The following GCA variants were observed in gnomAD, a reference collection of about 807,000 sequenced individuals.
The protein encoded by GCA is grancalcin, also known as grancalcin, EF-hand calcium-binding protein.
In GCA, 30 loss-of-function variants were observed where a neutral mutation model predicts 32.6. The observed-to-expected ratio is 0.92, with a 90% confidence interval of 0.69 to 1.25. The LOEUF (loss-of-function observed/expected upper bound fraction) is 1.25, where lower values mean the gene tolerates loss of function less well. Among genes scored for constraint, GCA ranks in the 50% most tolerant of loss-of-function variants. GCA has a pLI of 0.00. For missense variants in GCA, 291 were observed against 266.8 expected, an observed-to-expected ratio of 1.09 and a Z score of -0.63; for synonymous variants, 102 against 84.6, an observed-to-expected ratio of 1.21 and a Z score of -1.13.
intron 5 of GCA, among the ~76,000 whole-genome samples, chr2:162,358,693 A>C (rs1005539194): frequency 1.3e-5 from 2 of 151,438 alleles, no homozygotes; most frequent in Non-Finnish European, 3.0e-5. Context: ...TTGCATTTAT[A>C]TTCTTTAAGA....
At chr2:162,344,950 T>C (rs1477091964) in intron 1 of GCA, among the ~76,000 whole-genome samples, 3 of 152,198 alleles carry the variant, frequency 2.0e-5, no homozygotes, top group African/African-American at 7.2e-5. Flanking sequence ...GTTTGATCCA[T>C]TGCGGTGTGG....
Position 162,361,897 on chromosome 2 carries a change from C to T in GCA, c.*1654C>T, listed in dbSNP as rs929142111. 5.1e-6 allele frequency: 5 copies of T among 984,388 alleles called. No individual in the cohort carries two copies. The African/African-American group carries it at 8.8e-5, about 17-fold the overall frequency. 61.0% of individuals were successfully genotyped at this position (984,388 alleles called of 1,614,324 possible). ...CTCAGCAACCTGTAATCTTAACATC[C>T]AGGTTATACAGATGGTCGTTACTGA... On this transcript the variant is annotated 3_prime_UTR_variant, in exon 8 of 8. Coordinates refer to ENST00000437150, the MANE Select transcript of GCA (RefSeq NM_012198.5).
chr2:162,327,245 G>C (rs1249041585), intron 1 of GCA, among the ~76,000 whole-genome samples: 1 of 152,168 alleles, frequency 6.6e-6, no homozygotes, highest in East Asian at 1.9e-4. Flanking sequence ...AGGTATGTTA[G>C]TGGCTATTTG....
intron 1 of GCA, among the ~76,000 whole-genome samples, chr2:162,333,320 T>C (rs1684160968): frequency 6.6e-6 from 1 of 152,260 alleles, no homozygotes; most frequent in East Asian, 1.9e-4. Flanking sequence ...TTATACCATA[T>C]TTTATAATGT....
chr2:162,362,137 A>C lies in GCA; in HGVS notation c.*1894A>C. 2 of 984,702 alleles carry C rather than the reference A, an allele frequency of 2.0e-6. No individual in the cohort carries two copies. Among genetic ancestry groups the C allele is most frequent in the Non-Finnish European group, 2.4e-6 (2 of 829,492 alleles). 61.0% of individuals were successfully genotyped at this position (984,702 alleles called of 1,614,324 possible). A position where few individuals can be genotyped will look rare whatever the true frequency, so the allele number is the denominator to read the frequency against. On this transcript the variant is annotated 3_prime_UTR_variant, in exon 8 of 8. Coordinates refer to ENST00000437150, the MANE Select transcript of GCA (RefSeq NM_012198.5). Reference sequence around the variant, plus strand: ...GCTTCCATGGCCAAACATATTTAGAAACTCTCACTTTCTAAAGCTTGACAA... The same window carrying C: ...GCTTCCATGGCCAAACATATTTAGACACTCTCACTTTCTAAAGCTTGACAA...
chr2:162,336,597 A>G (rs748928569), intron 1 of GCA, among the ~76,000 whole-genome samples: 7 of 152,122 alleles, frequency 4.6e-5, no homozygotes, highest in Non-Finnish European at 1.0e-4. Flanking sequence ...GGGTGGCTCA[A>G]GTCCTTACTA....
At chr2:162,373,733 T>A, downstream of GCA, 1 of 1,069,764 alleles carries the variant, frequency 9.3e-7, no homozygotes, top group African/African-American at 1.6e-5. Flanking sequence ...TTAAAAAAAT[T>A]TCAGCACTAC....
At chr2:162,327,058 A>T (rs1412198256) in intron 1 of GCA, among the ~76,000 whole-genome samples, 3 of 152,116 alleles carry the variant, frequency 2.0e-5, no homozygotes, top group East Asian at 1.9e-4. Context: ...GGGCCTGTTT[A>T]TTCCAGGAAC....
Position 162,360,414 on chromosome 2 carries a change from C to CT in GCA, c.*177dup, listed in dbSNP as rs879451901. On this transcript the variant is annotated 3_prime_UTR_variant, in exon 8 of 8. Transcript: ENST00000437150. ...GATAGTTCAAAGCAATAAAAGATTT[C>CT]TTTTTTAATTTGAGGTATTACTGCT... is the stretch of plus-strand genomic sequence containing the variant. 21 of 1,253,082 alleles carry CT rather than the reference C, an allele frequency of 1.7e-5. No homozygotes were observed. The Admixed American group carries it at 7.0e-4, about 42-fold the overall frequency. 77.6% of individuals were successfully genotyped at this position (1,253,082 alleles called of 1,614,324 possible).
At chr2:162,324,433 C>T (rs900010922) in intron 1 of GCA, among the ~76,000 whole-genome samples, 2 of 152,200 alleles carry the variant, frequency 1.3e-5, no homozygotes, top group African/African-American at 4.8e-5. Flanking sequence ...AACTCTGCGA[C>T]GTTCTACTTC....
intron 1 of GCA, among the ~76,000 whole-genome samples, chr2:162,320,542 A>G (rs1683625564): frequency 6.6e-6 from 1 of 152,216 alleles, no homozygotes; most frequent in Admixed American, 6.5e-5. Flanking sequence ...GAACCAGTTA[A>G]TGTTATTTTC....
chr2:162,331,599 A>G lies in GCA; in HGVS notation c.-31+12374A>G, dbSNP rs556397231. On this transcript the variant is annotated intron_variant, in intron 1 of 4. Transcript: ENST00000429691. The stretch of plus-strand genomic sequence containing the variant: ...CTTCTGACCCACTATGTCAAGAAAT[A>G]GCATTCATGGTGCCATCTTGGAAGC... Among the ~76,000 whole-genome samples the G allele has an allele frequency of 2.6e-5, 4 of 152,348 alleles. No homozygotes were observed. In the South Asian group the frequency reaches 8.3e-4, roughly 32 times the overall value.
At chr2:162,351,479 G>A (rs1684996743) in intron 2 of GCA, among the ~76,000 whole-genome samples, 2 of 152,312 alleles carry the variant, frequency 1.3e-5, no homozygotes, top group South Asian at 4.1e-4. Context: ...ATGCTGCTTA[G>A]TATTTTGTAA....
intron 1 of GCA, among the ~76,000 whole-genome samples, chr2:162,326,036 G>A (rs921809672): frequency 2.0e-5 from 3 of 152,100 alleles, no homozygotes; most frequent in African/African-American, 4.8e-5. Context: ...AGGTCGGGGT[G>A]GACCCAGAGG....
intron 1 of GCA, among the ~76,000 whole-genome samples, chr2:162,324,044 C>A (rs967315569): frequency 6.6e-6 from 1 of 152,088 alleles, no homozygotes; most frequent in Non-Finnish European, 1.5e-5. Context: ...ACTGCTCAAA[C>A]CTCTAGGGGA....
intron 1 of GCA, 39 bp downstream of exon 1, chr2:162,344,314 G>T: frequency 6.2e-7 from 1 of 1,605,338 alleles, no homozygotes; most frequent in East Asian, 2.2e-5. Flanking sequence ...TCTTCCTCGC[G>T]GGGTGTGGCG....
rs1576304069 is a variant in GCA at position 162,361,739 on chromosome 2, A to G, written c.*1496A>G. 1 of 982,182 alleles carries G rather than the reference A, an allele frequency of 1.0e-6. No homozygotes were observed. Among genetic ancestry groups the G allele is most frequent in the Middle Eastern group, 5.2e-4 (1 of 1,906 alleles). The allele number at this position is 982,182 out of a possible 1,614,324, so 60.8% of individuals were successfully genotyped here. ...TTTGTTCTCTGGCTTTTTTATGAACATATATTTGATAATGTGAGAGGACAT... is the reference window on the plus strand; with the variant it reads ...TTTGTTCTCTGGCTTTTTTATGAACGTATATTTGATAATGTGAGAGGACAT... On this transcript the variant is annotated 3_prime_UTR_variant, in exon 8 of 8. Transcript: ENST00000437150.
At chr2:162,335,241 G>A (rs762708016) in intron 1 of GCA, among the ~76,000 whole-genome samples, 16 of 152,012 alleles carry the variant, frequency 1.1e-4, no homozygotes, top group Non-Finnish European at 1.8e-4. Context: ...GTGAAACCTC[G>A]TCTCTACTAA....
intron 1 of GCA, chr2:162,344,594 G>C: frequency 2.2e-6 from 1 of 456,220 alleles, no homozygotes; most frequent in Non-Finnish European, 4.0e-6. Context: ...GTAATCGTTT[G>C]TGGTACTTCC....
Sources: allele counts gnomAD v4.1 joint callset (sites outside exome capture counted in the v4.1 genomes callset), GRCh38; gene constraint gnomAD v4.1.1; transcripts MANE v1.5; gene names NCBI Gene and HGNC (gene_info 2026-07-23, HGNC 2026-07-21).